Variants in FAM114A1 observed in about 807,000 individuals in gnomAD.
FAM114A1 encodes family with sequence similarity 114 member A1, also known as protein NOXP20.
FAM114A1 carries 62 observed loss-of-function variants against 64.3 expected under a neutral mutation model. The observed-to-expected ratio is 0.96, with a 90% confidence interval of 0.79 to 1.19. The LOEUF (loss-of-function observed/expected upper bound fraction) is 1.19. FAM114A1 is among the 50% of genes most tolerant of loss of function. The pLI, the probability that FAM114A1 is intolerant of heterozygous loss-of-function variation, is 0.00. For missense variants in FAM114A1, 645 were observed against 676.3 expected, an observed-to-expected ratio of 0.95 and a Z score of 0.51; for synonymous variants, 254 against 251.1, an observed-to-expected ratio of 1.01 and a Z score of -0.11.
rs1714845405 is a variant in FAM114A1, at chr4:38,878,152, C to A, written c.74C>A (p.Ser25Tyr). ...GTTACTGAGATGCCTAATAGTGATT[C>A]TTTACCTGAGGATGCAGAAGTGCAT... ...AEVTEMPNSD[S>Y]LPEDAEVHCD... Residue 25 changes from serine to tyrosine, a missense_variant, in exon 3 of 15, where the codon TCT becomes TAT. Coordinates refer to ENST00000358869, the MANE Select transcript of FAM114A1 (RefSeq NM_138389.4). 1 of 1,614,222 alleles carries A rather than the reference C, an allele frequency of 6.2e-7. No homozygotes were observed. The highest frequency in any genetic ancestry group is 8.5e-7 in the Non-Finnish European group (1 of 1,180,040).
Position 38,880,534 on chromosome 4 carries a change from G to A in FAM114A1, c.348+2108G>A, listed in dbSNP as rs572052054. ...AGTAAAAGTGGGACATTAATAAGCCGCAGGTTTGGCAGTTTGCATGGTATT... is the reference window on the plus strand; with the variant it reads ...AGTAAAAGTGGGACATTAATAAGCCACAGGTTTGGCAGTTTGCATGGTATT... On this transcript the variant is annotated intron_variant, in intron 3 of 14. Transcript: ENST00000358869. Among the ~76,000 whole-genome samples, 25 of 152,242 alleles carry A rather than the reference G, an allele frequency of 1.6e-4. No homozygotes were observed. The East Asian group carries it at 2.7e-3, about 16-fold the overall frequency.
At position 38,922,816 on chromosome 4, in the gene FAM114A1, T is replaced by TA. The variant is rs1445635647; in HGVS notation, c.998dup (p.Asn333LysfsTer2). Reference sequence around the variant, plus strand: ...CTTGATGGAGAGAAGCTGGAACTCTTAAAAAATGACCTAATTTCCATTAAA... The same window carrying TA: ...CTTGATGGAGAGAAGCTGGAACTCTTAAAAAAATGACCTAATTTCCATTAAA... On this transcript the variant is annotated frameshift_variant, in exon 9 of 15. Transcript: ENST00000358869. LOFTEE classifies it high-confidence loss of function. 3 of 1,613,584 alleles carry TA rather than the reference T, an allele frequency of 1.9e-6. No homozygotes were observed. The highest frequency in any genetic ancestry group is 1.1e-5 in the South Asian group (1 of 90,840).
rs1318126944 is a variant in FAM114A1, at chr4:38,929,242, G to T, written c.1070G>T (p.Gly357Val). The change falls in exon 10 of 15, where the codon GGC becomes GTC. Residue 357 changes from glycine to valine, a missense_variant and splice_region_variant. Transcript: ENST00000358869. The part of the protein sequence containing the change: ...LENEENQEEQ[G>V]LEEKGEEFAR... ...TTCTTCTGTCGTGTTCTATTTCTAG[G>T]CTTAGAAGAAAAGGGAGAAGAATTT... 4.3e-6 allele frequency: 7 copies of T among 1,610,642 alleles called. No homozygotes were observed. The African/African-American group carries it at 6.7e-5, about 15-fold the overall frequency.
intron 2 of FAM114A1, among the ~76,000 whole-genome samples, chr4:38,869,594 G>GTACCCA (rs1713818010): frequency 6.6e-6 from 1 of 152,164 alleles, no homozygotes; most frequent in Admixed American, 6.5e-5. Context: ...ACAGAGAATA[G>GTACCCA]GCTGGAGCCT....
At chr4:38,928,851 T>A (rs1720375282) in intron 9 of FAM114A1, among the ~76,000 whole-genome samples, 3 of 152,326 alleles carry the variant, frequency 2.0e-5, no homozygotes, top group Non-Finnish European at 2.9e-5. Context: ...GTCATAAATA[T>A]GATGTTGTCC....
intron 6 of FAM114A1, 42 bp downstream of exon 6, chr4:38,905,903 A>G (rs1478975232): frequency 2.3e-5 from 36 of 1,545,432 alleles, no homozygotes; most frequent in Non-Finnish European, 3.2e-5. Context: ...TGTATTTCCC[A>G]GGGCCTTCTT....
chr4:38,883,818 C>T (rs1715536853), intron 3 of FAM114A1, among the ~76,000 whole-genome samples: 1 of 152,152 alleles, frequency 6.6e-6, no homozygotes, highest in Admixed American at 6.5e-5. Flanking sequence ...GCCTACGTTC[C>T]TTATTCTGTG....
chr4:38,909,850 G>A lies in FAM114A1; in HGVS notation c.792+1124G>A, dbSNP rs577186418. Reference sequence around the variant, plus strand: ...AGGCTATTTCTTCTTGTCTCTTCTGGAATAACCCAAGTATGAGCACTCCGA... The same window carrying A: ...AGGCTATTTCTTCTTGTCTCTTCTGAAATAACCCAAGTATGAGCACTCCGA... On this transcript the variant is annotated intron_variant, in intron 7 of 14. Coordinates refer to ENST00000358869, the MANE Select transcript of FAM114A1 (RefSeq NM_138389.4). Among the ~76,000 whole-genome samples the A allele has an allele frequency of 6.4e-4, 97 of 152,272 alleles. 1 individual carries two copies. Among genetic ancestry groups the A allele is most frequent in the African/African-American group, 2.2e-3 (93 of 41,554 alleles).
intron 8 of FAM114A1, among the ~76,000 whole-genome samples, chr4:38,919,492 G>A (rs1481032017): frequency 1.3e-5 from 2 of 152,216 alleles, no homozygotes; most frequent in African/African-American, 4.8e-5. Context: ...CAGGAGCACA[G>A]CCTAGGGAAG....
At chr4:38,884,175 G>C (rs972217773) in intron 3 of FAM114A1, among the ~76,000 whole-genome samples, 3 of 152,222 alleles carry the variant, frequency 2.0e-5, no homozygotes, top group African/African-American at 7.2e-5. Flanking sequence ...TTTTGGTAGA[G>C]ACGGGGTCTC....
At chr4:38,918,560 CATACTT>C (rs1429158122) in intron 8 of FAM114A1, among the ~76,000 whole-genome samples, 1 of 152,200 alleles carries the variant, frequency 6.6e-6, no homozygotes, top group Admixed American at 6.5e-5. Flanking sequence ...ATTTGGGACA[CATACTT>C]ATATGTAGAA....
chr4:38,910,077 A>T (rs986122630), intron 7 of FAM114A1, among the ~76,000 whole-genome samples: 15 of 151,944 alleles, frequency 9.9e-5, no homozygotes, highest in Non-Finnish European at 1.5e-4. Flanking sequence ...TACTAAAAAT[A>T]CAAAAAAAAA....
chr4:38,882,737 G>A (rs147870032), intron 3 of FAM114A1, among the ~76,000 whole-genome samples: 176 of 119,002 alleles, frequency 1.5e-3, no homozygotes, highest in African/African-American at 4.4e-3. Flanking sequence ...GTGATAATGC[G>A]CATAAATGTG....
chr4:38,919,238 T>G (rs915689592), intron 8 of FAM114A1, among the ~76,000 whole-genome samples: 2 of 152,204 alleles, frequency 1.3e-5, no homozygotes, highest in Admixed American at 1.3e-4. Context: ...TTGACAAACA[T>G]ACTTGTATAA....
rs570930756 is a variant in FAM114A1, at chr4:38,941,878, A to G, written c.1590+857A>G. Among the ~76,000 whole-genome samples, 6 of 152,334 alleles carry G rather than the reference A, an allele frequency of 3.9e-5. No individual in the cohort carries two copies. In the South Asian group the frequency reaches 1.2e-3, roughly 32 times the overall value. On this transcript the variant is annotated intron_variant, in intron 14 of 14. Coordinates refer to ENST00000358869, the MANE Select transcript of FAM114A1 (RefSeq NM_138389.4). The stretch of plus-strand genomic sequence containing the variant: ...TACAAAAGTTCAAGAGGGCTACTGT[A>G]TTAGTCCAATTTCACACTGCTGATA...
intron 12 of FAM114A1, among the ~76,000 whole-genome samples, chr4:38,934,310 T>G (rs1720901682): frequency 6.6e-6 from 1 of 152,100 alleles, no homozygotes; most frequent in Non-Finnish European, 1.5e-5. Flanking sequence ...AATAAGTGCC[T>G]CCCCACCCAC....
In FAM114A1 at chr4:38,943,944, T is replaced by TA; in HGVS notation, c.*388dup. 1 of 164,990 alleles carries TA rather than the reference T, an allele frequency of 6.1e-6. No homozygotes were observed. The highest frequency in any genetic ancestry group is 5.9e-5 in the Admixed American group (1 of 17,008). The allele number at this position is 164,990 out of a possible 1,614,324, so 10.2% of individuals were successfully genotyped here. ...TTTCAACCTTTAAATGTTCCATTCT[T>TA]ATAGTATTACTTTAAATCAATTCTA... On this transcript the variant is annotated 3_prime_UTR_variant, in exon 15 of 15. Transcript: ENST00000358869.
chr4:38,935,853 T>G, intron 13 of FAM114A1, 63 bp downstream of exon 13: 1 of 1,198,494 alleles, frequency 8.3e-7, no homozygotes, highest in Non-Finnish European at 1.2e-6. Flanking sequence ...TGAGGAAATG[T>G]GGAGATGCAG....
At chr4:38,918,159 G>A (rs1719254117) in intron 8 of FAM114A1, among the ~76,000 whole-genome samples, 1 of 152,184 alleles carries the variant, frequency 6.6e-6, no homozygotes, top group South Asian at 2.1e-4. Context: ...AGGATGTGGA[G>A]GTTGTGGTGA....
Sources: allele counts gnomAD v4.1 joint callset (sites outside exome capture counted in the v4.1 genomes callset), GRCh38; gene constraint gnomAD v4.1.1; transcripts MANE v1.5; gene names NCBI Gene and HGNC (gene_info 2026-07-23, HGNC 2026-07-21).